Variants in DCLK2 observed in about 807,000 individuals in gnomAD.
DCLK2 encodes the protein serine/threonine-protein kinase DCLK2.
DCLK2 carries 31 observed loss-of-function variants against 78.4 expected under a neutral mutation model. The observed-to-expected ratio is 0.40, with a 90% CI of 0.30 to 0.53. DCLK2 has a LOEUF of 0.53. Among genes scored for constraint, DCLK2 ranks in the 20% least tolerant of loss-of-function variants. The probability of loss-of-function intolerance (pLI) is 0.61; values close to 1 mark genes in which losing one functional copy is unlikely to be tolerated. For synonymous variants in DCLK2, 407 were observed against 374.9 expected, an observed-to-expected ratio of 1.09 and a Z score of -0.99; for missense variants, 872 against 973.7, an observed-to-expected ratio of 0.90 and a Z score of 1.39.
intron 1 of DCLK2, among the ~76,000 whole-genome samples, chr4:150,095,261 C>G (rs2150144214): frequency 6.6e-6 from 1 of 152,308 alleles, no homozygotes; most frequent in Middle Eastern, 3.4e-3. Context: ...CAAGTCTTCT[C>G]TCTCCCATGG....
intron 2 of DCLK2, among the ~76,000 whole-genome samples, chr4:150,171,768 G>A (rs750363542): frequency 1.3e-5 from 2 of 152,148 alleles, no homozygotes; most frequent in Non-Finnish European, 2.9e-5. Flanking sequence ...TGGAAATAGT[G>A]TCAAATAGCA....
chr4:150,163,069 C>T (rs988433089), intron 2 of DCLK2, among the ~76,000 whole-genome samples: 9 of 151,996 alleles, frequency 5.9e-5, no homozygotes, highest in South Asian at 2.1e-4. Context: ...TTCTGCAGGG[C>T]GGTACCTAAG....
At chr4:150,086,079 G>T (rs1729615517) in intron 1 of DCLK2, among the ~76,000 whole-genome samples, 1 of 152,132 alleles carries the variant, frequency 6.6e-6, no homozygotes, top group Non-Finnish European at 1.5e-5. Context: ...CTTTTCCATA[G>T]ACCATCCTCG....
intron 2 of DCLK2, among the ~76,000 whole-genome samples, chr4:150,186,909 TG>T (rs1483277701): frequency 6.6e-6 from 1 of 150,858 alleles, no homozygotes; most frequent in African/African-American, 2.5e-5. Flanking sequence ...TGTGTGTGTG[TG>T]TGTGTGTGTG....
intron 12 of DCLK2, among the ~76,000 whole-genome samples, chr4:150,247,091 T>C (rs998083624): frequency 6.6e-6 from 1 of 152,164 alleles, no homozygotes; most frequent in Non-Finnish European, 1.5e-5. Flanking sequence ...GGACTTAGAT[T>C]TTCTGCCTTT....
chr4:150,155,631 G>A (rs1735215611), intron 2 of DCLK2, among the ~76,000 whole-genome samples: 1 of 152,174 alleles, frequency 6.6e-6, no homozygotes, highest in African/African-American at 2.4e-5. Context: ...AGGCTGTCTG[G>A]TTACTGCCAG....
At chr4:150,156,124 T>C (rs1043373264) in intron 2 of DCLK2, among the ~76,000 whole-genome samples, 2 of 152,116 alleles carry the variant, frequency 1.3e-5, no homozygotes, top group African/African-American at 4.8e-5. Flanking sequence ...TTGACCTAAG[T>C]GGAGGTTGCT....
chr4:150,248,379 G>C lies in DCLK2; in HGVS notation c.1950G>C (p.Trp650Cys). 1 of 1,613,788 alleles carries C rather than the reference G, an allele frequency of 6.2e-7. No homozygotes were observed. The highest frequency in any genetic ancestry group is 2.2e-5 in the East Asian group (1 of 44,884). The change falls in exon 14 of 16, where the codon TGG (tryptophan) becomes TGC (cysteine). Residue 650 changes from tryptophan to cysteine, a missense_variant. Transcript: ENST00000296550. ...CTAGQILSHP[W>C]VSDDASQENN... ...CGGGACAAATCCTGAGTCACCCCTG[G>C]GTGTCAGTAAGTACCCACATTCCCA...
intron 2 of DCLK2, among the ~76,000 whole-genome samples, chr4:150,125,584 A>G (rs542951838): frequency 2.6e-5 from 4 of 152,294 alleles, no homozygotes; most frequent in South Asian, 4.1e-4. Flanking sequence ...AAAAATGACT[A>G]TCTAAAAATA....
chr4:150,220,501 G>T (rs1378563210), intron 5 of DCLK2, among the ~76,000 whole-genome samples: 1 of 152,138 alleles, frequency 6.6e-6, no homozygotes, highest in Non-Finnish European at 1.5e-5. Flanking sequence ...TTTTTCTTAT[G>T]TCTAATCTGA....
intron 1 of DCLK2, among the ~76,000 whole-genome samples, chr4:150,084,267 A>G (rs905480962): frequency 2.6e-5 from 4 of 152,218 alleles, no homozygotes; most frequent in African/African-American, 7.2e-5. Context: ...AACTCAGACA[A>G]TGATTTTACC....
At chr4:150,139,044 T>G (rs193290293) in intron 2 of DCLK2, among the ~76,000 whole-genome samples, 1 of 151,750 alleles carries the variant, frequency 6.6e-6, no homozygotes, top group Non-Finnish European at 1.5e-5. Context: ...CATTGAAAAA[T>G]TTTTTTCAAT....
chr4:150,117,408 G>T (rs921626953), intron 2 of DCLK2, among the ~76,000 whole-genome samples: 1 of 152,194 alleles, frequency 6.6e-6, no homozygotes, highest in African/African-American at 2.4e-5. Context: ...TTCAGGCTAT[G>T]CCCTTCTTGG....
At chr4:150,139,474 G>A (rs1384053475) in intron 2 of DCLK2, among the ~76,000 whole-genome samples, 2 of 152,156 alleles carry the variant, frequency 1.3e-5, no homozygotes, top group African/African-American at 4.8e-5. Context: ...CTGTTCCTTG[G>A]TTAGCCACAG....
rs115898032 is a variant in DCLK2 at position 150,212,226 on chromosome 4, C to T, written c.1056+8337C>T. 3.7e-3 allele frequency among the ~76,000 whole-genome samples: 566 copies of T among 152,302 alleles called. 3 individuals are homozygous for T. The highest frequency in any genetic ancestry group is 0.013 in the African/African-American group (546 of 41,556). Reference sequence around the variant, plus strand: ...TTGAGATTATGAACTGTCTGATGTGCTGATATTTTATCTGATGATGTCTCC... The same window carrying T: ...TTGAGATTATGAACTGTCTGATGTGTTGATATTTTATCTGATGATGTCTCC... On this transcript the variant is annotated intron_variant, in intron 5 of 15. Coordinates refer to ENST00000296550, the MANE Select transcript of DCLK2 (RefSeq NM_001040260.4).
At chr4:150,090,862 G>A (rs2150138778) in intron 1 of DCLK2, among the ~76,000 whole-genome samples, 1 of 152,154 alleles carries the variant, frequency 6.6e-6, no homozygotes, top group Admixed American at 6.5e-5. Flanking sequence ...AAAAAGTAAT[G>A]GTCTTTGAGG....
intron 2 of DCLK2, among the ~76,000 whole-genome samples, chr4:150,126,643 C>T (rs1481679312): frequency 6.6e-6 from 1 of 152,082 alleles, no homozygotes; most frequent in African/African-American, 2.4e-5. Context: ...TTTGAAATAA[C>T]TTTAGACTTA....
intron 2 of DCLK2, among the ~76,000 whole-genome samples, chr4:150,103,736 C>A (rs936082323): frequency 7.9e-5 from 12 of 152,102 alleles, no homozygotes; most frequent in Admixed American, 7.2e-4. Flanking sequence ...AAATTAGTCT[C>A]CAATTTTCTA....
chr4:150,127,339 T>C lies in DCLK2; in HGVS notation c.756+24527T>C, dbSNP rs142245272. On this transcript the variant is annotated intron_variant, in intron 2 of 15. Transcript: ENST00000296550. ...TGGTGTTTGCCAAATAGTAGTTTTA[T>C]ATTTCCACATTTCCTTCTACATTTA... is the stretch of plus-strand genomic sequence containing the variant. Among the ~76,000 whole-genome samples the C allele has an allele frequency of 4.9e-3, 747 of 152,360 alleles. 1 individual carries two copies. Among genetic ancestry groups the C allele is most frequent in the Non-Finnish European group, 6.8e-3 (463 of 68,040 alleles).
Sources: allele counts gnomAD v4.1 joint callset (sites outside exome capture counted in the v4.1 genomes callset), GRCh38; gene constraint gnomAD v4.1.1; transcripts MANE v1.5; gene names NCBI Gene and HGNC (gene_info 2026-07-23, HGNC 2026-07-21).